The following ZNF839 variants were observed in gnomAD, a reference collection of about 807,000 sequenced individuals.
ZNF839 encodes the protein zinc finger protein 839.
A neutral mutation model predicts 56.4 loss-of-function variants in ZNF839; 38 were observed. That is an observed-to-expected ratio of 0.67 (90% confidence interval 0.52 to 0.88). The LOEUF (loss-of-function observed/expected upper bound fraction) is 0.88, where lower values mean the gene tolerates loss of function less well. ZNF839 is among the 40% of genes least tolerant of loss of function. ZNF839 has a pLI of 0.00. For synonymous variants in ZNF839, 486 were observed against 493.5 expected, an observed-to-expected ratio of 0.98 and a Z score of 0.20; for missense variants, 1,091 against 1,177.6, an observed-to-expected ratio of 0.93 and a Z score of 1.08.
upstream of ZNF839, chr14:102,317,792 T>C (rs1244235698): frequency 1.3e-5 from 2 of 151,150 alleles, no homozygotes; most frequent in Non-Finnish European, 2.9e-5. Context: ...CCCCCCTCTT[T>C]TCTTTTCGGA....
At chr14:102,341,068 CAAAA>C (rs60659700) in intron 7 of ZNF839, 130 of 82,886 alleles carry the variant, frequency 1.6e-3, no homozygotes, top group Admixed American at 2.2e-3. Context: ...GACTCCATCT[CAAAA>C]AAAAAAAAAA....
intron 1 of ZNF839, among the ~76,000 whole-genome samples, chr14:102,320,317 C>G (rs1019089027): frequency 6.6e-6 from 1 of 152,232 alleles, no homozygotes; most frequent in African/African-American, 2.4e-5. Flanking sequence ...CTTCACAGCC[C>G]TGCTGGGGGC....
Position 102,319,980 on chromosome 14 carries a change from C to G in ZNF839, c.215C>G (p.Ala72Gly). 8.5e-7 allele frequency: 1 copy of G among 1,174,922 alleles called. No individual in the cohort carries two copies. Among genetic ancestry groups the G allele is most frequent in the South Asian group, 4.1e-5 (1 of 24,292 alleles). The allele number at this position is 1,174,922 out of a possible 1,614,324, so 72.8% of individuals were successfully genotyped here. A position where few individuals can be genotyped will look rare whatever the true frequency, so the allele number is the denominator to read the frequency against. Residue 72 changes from alanine to glycine, a missense_variant, in exon 1 of 8, where the codon GCG becomes GGG. By Grantham distance (60) the Ala-to-Gly change is moderately conservative. Transcript: ENST00000442396. This position sits in a 1 kb window ranked among gnomAD's most constrained non-coding sequence, Gnocchi z 4.5. The part of the protein sequence containing the change: ...LRDAARRLRD[A>G]AQQAALQRGR... Reference sequence around the variant, plus strand: ...GACGCGGCGCGGCGGCTGCGGGACGCGGCCCAACAGGCCGCCCTGCAGCGG... The same window carrying G: ...GACGCGGCGCGGCGGCTGCGGGACGGGGCCCAACAGGCCGCCCTGCAGCGG...
intron 3 of ZNF839, among the ~76,000 whole-genome samples, chr14:102,333,764 C>A (rs1275648641): frequency 6.6e-6 from 1 of 152,160 alleles, no homozygotes. Flanking sequence ...TGAAACATCT[C>A]CACCTGGCTG....
Position 102,341,858 on chromosome 14 carries a change from A to G in ZNF839, c.2463A>G (p.Pro821=). 2.5e-6 allele frequency: 4 copies of G among 1,614,062 alleles called. No homozygotes were observed. Among genetic ancestry groups the G allele is most frequent in the Non-Finnish European group, 3.4e-6 (4 of 1,179,908 alleles). Reference sequence around the variant, plus strand: ...GTGCCTACAGGACTGTGCCCAAGCCAGGGCCTCAGCCTGGCCCACATGGAT... The same window carrying G: ...GTGCCTACAGGACTGTGCCCAAGCCGGGGCCTCAGCCTGGCCCACATGGAT... The part of the protein sequence containing the change: ...VDCAYRTVPK[P]GPQPGPHGSL... The change falls in exon 8 of 8, where the codon CCA becomes CCG. Residue 821 remains proline (P), a synonymous_variant. Coordinates refer to ENST00000442396, the MANE Select transcript of ZNF839 (RefSeq NM_018335.6).
At chr14:102,318,497 G>A (rs568567801), upstream of ZNF839, among the ~76,000 whole-genome samples, 1 of 152,188 alleles carries the variant, frequency 6.6e-6, no homozygotes, top group African/African-American at 2.4e-5. Context: ...GCCAGGCATG[G>A]TGGCGGACGC....
chr14:102,319,752 C>T lies in ZNF839; in HGVS notation c.-14C>T, dbSNP rs2073014820. 2 of 1,228,722 alleles carry T rather than the reference C, an allele frequency of 1.6e-6. No homozygotes were observed. Among genetic ancestry groups the T allele is most frequent in the South Asian group, 4.1e-5 (1 of 24,386 alleles). 76.1% of individuals were successfully genotyped at this position (1,228,722 alleles called of 1,614,324 possible). A position where few individuals can be genotyped will look rare whatever the true frequency, so the allele number is the denominator to read the frequency against. On this transcript the variant is annotated 5_prime_UTR_variant, in exon 1 of 8. Coordinates refer to ENST00000442396, the MANE Select transcript of ZNF839 (RefSeq NM_018335.6). This position sits in a 1 kb window ranked among gnomAD's most constrained non-coding sequence, Gnocchi z 4.5. ...CGCTCAGCGACCCGGGTTCGAGTCC[C>T]CGCCTCGGCCGCCATGGCGGATGCG...
At chr14:102,327,969 C>T (rs151067017) in intron 2 of ZNF839, among the ~76,000 whole-genome samples, 1 of 152,132 alleles carries the variant, frequency 6.6e-6, no homozygotes, top group East Asian at 1.9e-4. Flanking sequence ...CTTAGCGTGT[C>T]CTCTCCCCCT....
In ZNF839 at chr14:102,341,769, C is replaced by T; in HGVS notation, c.2374C>T (p.Pro792Ser). The part of the protein sequence containing the change: ...HQQPSPTSVL[P>S]TEVAAPPLEK... ...GCAGCCCAGCCCCACCAGCGTCCTG[C>T]CTACAGAGGTGGCAGCCCCTCCGCT... Residue 792 changes from proline to serine, a missense_variant, in exon 8 of 8, where the codon CCT (proline) becomes TCT (serine). This residue lies in a region of ZNF839 where 431 missense variants were observed against 468.0 expected (regional missense o/e 0.92). Coordinates refer to ENST00000442396, the MANE Select transcript of ZNF839 (RefSeq NM_018335.6). The T allele has an allele frequency of 2.5e-6, 4 of 1,614,026 alleles. No individual in the cohort carries two copies. Among genetic ancestry groups the T allele is most frequent in the Non-Finnish European group, 3.4e-6 (4 of 1,179,908 alleles).
At chr14:102,321,172 TTGGTC>T (rs2073108497) in intron 1 of ZNF839, among the ~76,000 whole-genome samples, 1 of 152,238 alleles carries the variant, frequency 6.6e-6, no homozygotes, top group Non-Finnish European at 1.5e-5. Context: ...TTTTTGGACT[TTGGTC>T]TGGGTCAGAA....
chr14:102,342,287 C>A lies in ZNF839; in HGVS notation c.*108C>A. 1 of 1,372,630 alleles carries A rather than the reference C, an allele frequency of 7.3e-7. No individual in the cohort carries two copies. The highest frequency in any genetic ancestry group is 9.9e-7 in the Non-Finnish European group (1 of 1,011,406). 85.0% of individuals were successfully genotyped at this position (1,372,630 alleles called of 1,614,324 possible). The stretch of plus-strand genomic sequence containing the variant: ...TCGTCTGATTTTATCCAGAGAAGGT[C>A]TATGGCAAGCAATGTATATTTTTCT... On this transcript the variant is annotated 3_prime_UTR_variant, in exon 8 of 8. Coordinates refer to ENST00000442396, the MANE Select transcript of ZNF839 (RefSeq NM_018335.6).
At chr14:102,328,375 A>AAAAATATAT (rs1197718891) in intron 2 of ZNF839, among the ~76,000 whole-genome samples, 7 of 16,348 alleles carry the variant, frequency 4.3e-4, no homozygotes, top group Non-Finnish European at 8.2e-4. Context: ...AAAAAAAAAA[A>AAAAATATAT]ATATATATAT....
At chr14:102,319,727 C>A, upstream of ZNF839, 1 of 1,226,384 alleles carries the variant, frequency 8.2e-7, no homozygotes, top group South Asian at 4.1e-5. The surrounding 1 kb of genome is among the most constrained non-coding windows in gnomAD (Gnocchi z 4.5). Context: ...GAGACGCCGT[C>A]GCTCAGCGAC....
chr14:102,317,829 T>C (rs1373759447), upstream of ZNF839, among the ~76,000 whole-genome samples: 3 of 152,196 alleles, frequency 2.0e-5, no homozygotes, highest in African/African-American at 7.2e-5. Context: ...CATTTCTTCC[T>C]CTTGGTTCTA....
At chr14:102,325,549 GTGCAGTGGTGCGATCTCAGCTTA>G (rs1233669844) in intron 1 of ZNF839, among the ~76,000 whole-genome samples, 1 of 151,796 alleles carries the variant, frequency 6.6e-6, no homozygotes, top group Non-Finnish European at 1.5e-5. Flanking sequence ...CCAGGCTGGA[GTGCAGTGGTGCGATCTCAGCTTA>G]CTGCAACCTC....
chr14:102,336,254 G>A (rs959948753), intron 5 of ZNF839, among the ~76,000 whole-genome samples: 1 of 150,254 alleles, frequency 6.7e-6, no homozygotes, highest in South Asian at 2.1e-4. Flanking sequence ...TTTCCTGTTC[G>A]ACCTCATTTT....
In ZNF839 at chr14:102,341,812, T is replaced by C. The variant is rs752940668; in HGVS notation, c.2417T>C (p.Val806Ala). The change falls in exon 8 of 8, where the codon GTG becomes GCG. Residue 806 changes from valine to alanine, a missense_variant. This residue lies in a region of ZNF839 where 431 missense variants were observed against 468.0 expected (regional missense o/e 0.92). Coordinates refer to ENST00000442396, the MANE Select transcript of ZNF839 (RefSeq NM_018335.6). ...AAPPLEKILS[V>A]DSVAVDCAYR... ...CCTCCGCTTGAGAAAATTTTGTCTG[T>C]GGATAGCGTGGCAGTGGACTGTGCC... is the stretch of plus-strand genomic sequence containing the variant. The C allele has an allele frequency of 1.9e-6, 3 of 1,613,962 alleles. No homozygotes were observed. In the Admixed American group the frequency reaches 5.0e-5, roughly 27 times the overall value.
At position 102,341,434 on chromosome 14, in the gene ZNF839, C is replaced by T. The variant is rs770163263; in HGVS notation, c.2039C>T (p.Ala680Val). ...SVFQAGPQLQALANLEARRGS... is the reference protein window; with the variant it reads ...SVFQAGPQLQVLANLEARRGS... ...TTCCAGGCGGGCCCGCAGCTTCAGG[C>T]ACTGGCTAACTTAGAAGCCAGGAGG... The change falls in exon 8 of 8, where the codon GCA (alanine) becomes GTA (valine). Residue 680 changes from alanine (A) to valine (V), a missense_variant. Around this residue, in one of 3 missense-constraint regions of ZNF839, gnomAD observed 431 missense variants for 468.0 expected, o/e 0.92. Transcript: ENST00000442396. 10 of 1,593,188 alleles carry T rather than the reference C, an allele frequency of 6.3e-6. No individual in the cohort carries two copies. In the South Asian group the frequency reaches 1.0e-4, roughly 16 times the overall value.
At position 102,324,496 on chromosome 14, in the gene ZNF839, T is replaced by C. The variant is rs111731329; in HGVS notation, c.289-1489T>C. On this transcript the variant is annotated intron_variant, in intron 1 of 7. Coordinates refer to ENST00000442396, the MANE Select transcript of ZNF839 (RefSeq NM_018335.6). Reference sequence around the variant, plus strand: ...AGGCAGAGGTTGCACTGAGCTGAGATAGCGCCACTGCATTCCAGCCTGGAC... The same window carrying C: ...AGGCAGAGGTTGCACTGAGCTGAGACAGCGCCACTGCATTCCAGCCTGGAC... 9.7e-3 allele frequency among the ~76,000 whole-genome samples: 1,473 copies of C among 152,010 alleles called. 12 individuals carry two copies. Among genetic ancestry groups the C allele is most frequent in the African/African-American group, 0.034 (1,395 of 41,446 alleles).
Sources: gnomAD v4.1 joint callset for allele counts (sites outside exome capture counted in the v4.1 genomes callset) on GRCh38, gnomAD v4.1.1 for gene constraint, gnomAD v4.1.1 regional missense constraint, Gnocchi (gnomAD v3.1) non-coding constraint, MANE v1.5 for transcripts, NCBI Gene and HGNC (gene_info 2026-07-23, HGNC 2026-07-21) for gene names.